The following DYNC2H1 variants were observed in gnomAD, a reference collection of about 807,000 sequenced individuals.
The protein encoded by DYNC2H1 is dynein cytoplasmic 2 heavy chain 1.
A neutral mutation model predicts 570.0 loss-of-function variants in DYNC2H1; 410 were observed. The ratio of observed to expected loss-of-function variants is 0.72; its 90% CI spans 0.66 to 0.78. The LOEUF is 0.78. Among genes scored for constraint, DYNC2H1 ranks in the 30% least tolerant of loss-of-function variants. The probability of loss-of-function intolerance (pLI) is 0.00; values close to 1 mark genes in which losing one functional copy is unlikely to be tolerated. For synonymous variants in DYNC2H1, 1,688 were observed against 1,677.6 expected, an observed-to-expected ratio of 1.01 and a Z score of -0.15; for missense variants, 4,865 against 5,046.4, an observed-to-expected ratio of 0.96 and a Z score of 1.09.
At position 103,184,802 on chromosome 11, in the gene DYNC2H1, T is replaced by C. The variant is rs546373870; in HGVS notation, c.6478-94T>C. ...AGAGGAGTGAGTTTAAAAATGGTTC[T>C]TGAAAAGGTATGTGAACATCAGTCT... On this transcript the variant is annotated intron_variant, in intron 40 of 88. Transcript: ENST00000375735. 1,062 of 1,329,718 alleles carry C rather than the reference T, an allele frequency of 8.0e-4. 1 individual carries two copies. The highest frequency in any genetic ancestry group is 9.9e-4 in the Non-Finnish European group (980 of 988,172). The allele number at this position is 1,329,718 out of a possible 1,614,324, so 82.4% of individuals were successfully genotyped here.
chr11:103,178,084 G>A (rs1248670161), intron 38 of DYNC2H1, among the ~76,000 whole-genome samples: 1 of 152,094 alleles, frequency 6.6e-6, no homozygotes, highest in South Asian at 2.1e-4. Flanking sequence ...TTTACTGAAT[G>A]AATATAAAAT....
intron 88 of DYNC2H1, among the ~76,000 whole-genome samples, chr11:103,475,042 C>A (rs1473036708): frequency 6.6e-6 from 1 of 152,242 alleles, no homozygotes; most frequent in South Asian, 2.1e-4. Context: ...AAAAATTATG[C>A]AAGATGTTTA....
At position 103,286,341 on chromosome 11, in the gene DYNC2H1, A is replaced by G. The variant is rs780085432; in HGVS notation, c.10977A>G (p.Gln3659=). 6.2e-7 allele frequency: 1 copy of G among 1,613,606 alleles called. No homozygotes were observed. The highest frequency in any genetic ancestry group is 8.5e-7 in the Non-Finnish European group (1 of 1,179,790). Residue 3659 remains glutamine (Q), a synonymous_variant, in exon 74 of 89, where the codon CAA becomes CAG. Transcript: ENST00000375735. The part of the protein sequence containing the change: ...RTYYNNSMCE[Q]EFPSILAKKV... The stretch of plus-strand genomic sequence containing the variant: ...ATTATAATAATTCAATGTGTGAGCA[A>G]GAGTTTCCATCTATCCTTGCAAAGA...
At chr11:103,227,020 G>A (rs1359820300) in intron 59 of DYNC2H1, among the ~76,000 whole-genome samples, 1 of 152,078 alleles carries the variant, frequency 6.6e-6, no homozygotes, top group Non-Finnish European at 1.5e-5. Context: ...TATTTCTGTG[G>A]TGTCAGTTGT....
chr11:103,328,243 T>C (rs1030205736), intron 82 of DYNC2H1, among the ~76,000 whole-genome samples: 6 of 152,366 alleles, frequency 3.9e-5, no homozygotes, highest in African/African-American at 1.2e-4. Context: ...TGTCAGTCTG[T>C]TTCACTGCTT....
In DYNC2H1 at chr11:103,386,735, G is replaced by C. The variant is rs570476089; in HGVS notation, c.12157-12928G>C. 1.4e-3 allele frequency among the ~76,000 whole-genome samples: 215 copies of C among 152,160 alleles called. 3 individuals carry two copies. Among genetic ancestry groups the C allele is most frequent in the Admixed American group, 6.5e-3 (99 of 15,286 alleles). On this transcript the variant is annotated intron_variant, in intron 83 of 88. Transcript: ENST00000375735. Reference sequence around the variant, plus strand: ...CTCATTGTTCAATTCCCACCTATGAGTGAGAACATGTGGTGTTTGTTTTTT... The same window carrying C: ...CTCATTGTTCAATTCCCACCTATGACTGAGAACATGTGGTGTTTGTTTTTT...
chr11:103,416,024 A>T (rs1378825667), intron 84 of DYNC2H1, among the ~76,000 whole-genome samples: 1 of 152,198 alleles, frequency 6.6e-6, no homozygotes, highest in East Asian at 1.9e-4. Context: ...GCTAGAAACC[A>T]TCATTCTCAG....
Position 103,185,056 on chromosome 11 carries a change from T to C in DYNC2H1, c.6633+5T>C, listed in dbSNP as rs755729711. On this transcript the variant is annotated splice_donor_5th_base_variant and intron_variant, in intron 41 of 88. Transcript: ENST00000375735. This position sits in a 1 kb window ranked among gnomAD's most constrained non-coding sequence, Gnocchi z 4.5. ...CGTTTGGAATTTACCAAAGAGGTAA[T>C]GCATATTTATAGCCTATATTTAGTC... 7 of 1,608,764 alleles carry C rather than the reference T, an allele frequency of 4.4e-6. No homozygotes were observed. The highest frequency in any genetic ancestry group is 5.9e-6 in the Non-Finnish European group (7 of 1,176,622).
Position 103,412,662 on chromosome 11 carries a change from C to CAGCAATATGGCAAAAATGCTAGTGG in DYNC2H1, c.12366+12792_12366+12816dup, listed in dbSNP as rs1161340677. Reference sequence around the variant, plus strand: ...CAATTTTTTAAACCAGGGAGTCCTTCAGCAATATGGCAAAAATGCTAGTGG... The same window carrying CAGCAATATGGCAAAAATGCTAGTGG: ...CAATTTTTTAAACCAGGGAGTCCTTCAGCAATATGGCAAAAATGCTAGTGGAGCAATATGGCAAAAATGCTAGTGG... On this transcript the variant is annotated intron_variant, in intron 84 of 88. Coordinates refer to ENST00000375735, the MANE Select transcript of DYNC2H1 (RefSeq NM_001377.3). 3.0e-4 allele frequency among the ~76,000 whole-genome samples: 46 copies of CAGCAATATGGCAAAAATGCTAGTGG among 152,198 alleles called. 1 individual carries two copies. Among genetic ancestry groups the CAGCAATATGGCAAAAATGCTAGTGG allele is most frequent in the Middle Eastern group, 3.4e-3 (1 of 294 alleles).
intron 83 of DYNC2H1, among the ~76,000 whole-genome samples, chr11:103,372,341 C>T (rs1011988934): frequency 1.3e-5 from 2 of 152,098 alleles, no homozygotes; most frequent in African/African-American, 4.8e-5. Context: ...TTGATCTTAA[C>T]ATTCAGTATG....
At chr11:103,140,284 T>G (rs2134810455) in intron 17 of DYNC2H1, among the ~76,000 whole-genome samples, 1 of 152,322 alleles carries the variant, frequency 6.6e-6, no homozygotes, top group South Asian at 2.1e-4. Context: ...TGCTCGTTAG[T>G]TGATGCAGTT....
chr11:103,154,672 A>C, intron 23 of DYNC2H1, 23 bp from the exon 24 acceptor site: 1 of 1,565,890 alleles, frequency 6.4e-7, no homozygotes, highest in Non-Finnish European at 8.6e-7. Context: ...TAATCTTTGC[A>C]ATGTGTTTTT....
At chr11:103,152,428 GA>G in intron 21 of DYNC2H1, 143 bp downstream of exon 21, 1 of 710,780 alleles carries the variant, frequency 1.4e-6, no homozygotes, top group Non-Finnish European at 2.2e-6. Context: ...CTTTTATAGT[GA>G]AATATATAAA....
Position 103,152,226 on chromosome 11 carries a change from G to A in DYNC2H1, c.3037G>A (p.Ala1013Thr). The A allele has an allele frequency of 6.2e-7, 1 of 1,608,524 alleles. No homozygotes were observed. The highest frequency in any genetic ancestry group is 1.1e-5 in the South Asian group (1 of 89,504). Residue 1013 changes from alanine (A) to threonine (T), a missense_variant, in exon 21 of 89, where the codon GCC becomes ACC. Transcript: ENST00000375735. ...GGLETISNLK[A>T]KWDKFELMME... ...TTTAGAAACAATTAGTAATTTGAAA[G>A]CCAAGTGGGATAAATTTGAGTTAAT...
intron 80 of DYNC2H1, among the ~76,000 whole-genome samples, chr11:103,317,467 C>T (rs1937919202): frequency 6.6e-6 from 1 of 152,064 alleles, no homozygotes; most frequent in Non-Finnish European, 1.5e-5. Context: ...AATGTGTTGG[C>T]AGTCCAAGCA....
chr11:103,399,404 C>T lies in DYNC2H1; in HGVS notation c.12157-259C>T, dbSNP rs557724427. ...CTCCTTACCTCAAATGCTCCACCTG[C>T]GTTGGCCCCCCAGAGTGCTGGGATT... On this transcript the variant is annotated intron_variant, in intron 83 of 88. Transcript: ENST00000375735. 6.0e-5 allele frequency among the ~76,000 whole-genome samples: 9 copies of T among 150,448 alleles called. No individual in the cohort carries two copies. The East Asian group carries it at 1.4e-3, about 23-fold the overall frequency.
In DYNC2H1 at chr11:103,174,306, T is replaced by G. The variant is rs1261743357; in HGVS notation, c.5674+136T>G. 11 of 571,720 alleles carry G rather than the reference T, an allele frequency of 1.9e-5. No individual in the cohort carries two copies. In the Middle Eastern group the frequency reaches 1.7e-3, roughly 87 times the overall value. The allele number at this position is 571,720 out of a possible 1,614,324, so 35.4% of individuals were successfully genotyped here. A position where few individuals can be genotyped will look rare whatever the true frequency, so the allele number is the denominator to read the frequency against. ...TATACCCTGCCCCAATTTCTACTGTTGTTAACATCTTTCATTAGTGTGGTA... is the reference window on the plus strand; with the variant it reads ...TATACCCTGCCCCAATTTCTACTGTGGTTAACATCTTTCATTAGTGTGGTA... On this transcript the variant is annotated intron_variant, in intron 36 of 88. Coordinates refer to ENST00000375735, the MANE Select transcript of DYNC2H1 (RefSeq NM_001377.3).
chr11:103,224,351 CATCTGAG>C, intron 59 of DYNC2H1, among the ~76,000 whole-genome samples: 1 of 152,202 alleles, frequency 6.6e-6, no homozygotes, highest in South Asian at 2.1e-4. Context: ...GTGCAGCCAT[CATCTGAG>C]CAGTGTTACA....
At chr11:103,122,490 T>G (rs1858771491) in intron 10 of DYNC2H1, among the ~76,000 whole-genome samples, 1 of 152,250 alleles carries the variant, frequency 6.6e-6, no homozygotes, top group South Asian at 2.1e-4. Context: ...TTACTGAACA[T>G]GTTTAGCAGT....
Sources: allele counts gnomAD v4.1 joint callset (sites outside exome capture counted in the v4.1 genomes callset), GRCh38; gene constraint gnomAD v4.1.1; non-coding constraint Gnocchi (gnomAD v3.1); transcripts MANE v1.5; gene names NCBI Gene and HGNC (gene_info 2026-07-23, HGNC 2026-07-21).